TBC1D8: variants seen among roughly 807,000 people sequenced by gnomAD.
TBC1D8 encodes the protein BUB2-like protein 1.
Under a neutral mutation model 118.8 loss-of-function variants are expected in TBC1D8, and 65 were observed. That is an observed-to-expected ratio of 0.55 (90% CI 0.45 to 0.67). TBC1D8 has a LOEUF of 0.67. TBC1D8 is among the 30% of genes least tolerant of loss of function. The pLI, the probability that TBC1D8 is intolerant of heterozygous loss-of-function variation, is 0.00. For synonymous variants in TBC1D8, 566 were observed against 595.8 expected (o/e 0.95, Z 0.73); for missense variants, 1,376 against 1,471.2 (o/e 0.94, Z 1.06).
intron 1 of TBC1D8, among the ~76,000 whole-genome samples, chr2:101,105,601 A>AAAC (rs1448288346): frequency 4.4e-5 from 6 of 137,130 alleles, no homozygotes; most frequent in Non-Finnish European, 7.9e-5. Context: ...TTAAAAAAAA[A>AAAC]AAAAAAACAT....
chr2:101,050,339 G>A, intron 5 of TBC1D8, 62 bp downstream of exon 5: 1 of 1,560,998 alleles, frequency 6.4e-7, no homozygotes, highest in Middle Eastern at 2.4e-4. Flanking sequence ...GTACATAAGG[G>A]ATGGGCACAG....
At chr2:101,069,115 T>C in intron 2 of TBC1D8, among the ~76,000 whole-genome samples, 1 of 149,830 alleles carries the variant, frequency 6.7e-6, no homozygotes. Context: ...CTGGCCAATA[T>C]GGTGAAACCC....
intron 1 of TBC1D8, among the ~76,000 whole-genome samples, chr2:101,115,425 T>C (rs1677779165): frequency 6.6e-6 from 1 of 152,268 alleles, no homozygotes; most frequent in Non-Finnish European, 1.5e-5. Flanking sequence ...GATTGTTCAA[T>C]GCCTTCCATT....
At chr2:101,054,080 T>C (rs1682231879) in intron 4 of TBC1D8, 28 bp downstream of exon 4, 1 of 1,585,956 alleles carries the variant, frequency 6.3e-7, no homozygotes. Context: ...CAACTTTATC[T>C]TGGAAGAGCC....
chr2:101,011,727 T>G (rs1679229775), intron 17 of TBC1D8, among the ~76,000 whole-genome samples, 187 bp from the exon 18 acceptor site: 1 of 152,054 alleles, frequency 6.6e-6, no homozygotes. Flanking sequence ...AAATAAAATG[T>G]CCCCCACACC....
At chr2:101,120,268 T>C (rs1421263392) in intron 1 of TBC1D8, among the ~76,000 whole-genome samples, 7 of 152,228 alleles carry the variant, frequency 4.6e-5, no homozygotes, top group South Asian at 2.1e-4. Context: ...CCATCTCTCA[T>C]GTGCCCGGCC....
At chr2:101,134,421 C>T (rs1678751879) in intron 1 of TBC1D8, among the ~76,000 whole-genome samples, 1 of 152,174 alleles carries the variant, frequency 6.6e-6, no homozygotes, top group African/African-American at 2.4e-5. Flanking sequence ...ATGATTCTAA[C>T]TTGTCTTAGC....
chr2:101,101,448 G>C (rs1467549362), intron 1 of TBC1D8, among the ~76,000 whole-genome samples: 2 of 152,144 alleles, frequency 1.3e-5, no homozygotes, highest in Non-Finnish European at 1.5e-5. Flanking sequence ...CACTGTTGGT[G>C]GGAATGTAAA....
intron 12 of TBC1D8, among the ~76,000 whole-genome samples, chr2:101,029,026 G>A (rs759785241): frequency 3.9e-5 from 6 of 152,218 alleles, no homozygotes; most frequent in Non-Finnish European, 7.3e-5. Flanking sequence ...TTCACCCCAT[G>A]CCTGGGACAG....
chr2:101,045,542 C>G (rs1162074632), intron 5 of TBC1D8, among the ~76,000 whole-genome samples: 1 of 152,258 alleles, frequency 6.6e-6, no homozygotes, highest in Admixed American at 6.5e-5. Context: ...CTCTCCCATG[C>G]TCAGCATGCA....
intron 1 of TBC1D8, among the ~76,000 whole-genome samples, chr2:101,093,787 G>A (rs1676207966): frequency 6.7e-6 from 1 of 149,582 alleles, no homozygotes; most frequent in African/African-American, 2.4e-5. Flanking sequence ...TTGGCTCACT[G>A]CAACCTCCGC....
At chr2:101,030,729 A>G (rs61428647) in intron 11 of TBC1D8, among the ~76,000 whole-genome samples, 8,111 of 152,274 alleles carry the variant, frequency 0.053, 728 homozygotes, top group African/African-American at 0.19. Flanking sequence ...ATCATATTCC[A>G]AGACTGGAAA....
intron 1 of TBC1D8, among the ~76,000 whole-genome samples, chr2:101,117,406 C>T (rs1224425654): frequency 6.6e-6 from 1 of 152,064 alleles, no homozygotes; most frequent in Non-Finnish European, 1.5e-5. Context: ...TTTCTGGACC[C>T]AAAGTGGATT....
chr2:101,140,440 G>A (rs1679052304), intron 1 of TBC1D8, among the ~76,000 whole-genome samples: 1 of 152,104 alleles, frequency 6.6e-6, no homozygotes, highest in South Asian at 2.1e-4. Context: ...CTGACACACA[G>A]GCGTCCGGGG....
rs761672216 is a variant in TBC1D8 at position 101,029,605 on chromosome 2, A to C, written c.2108T>G (p.Phe703Cys). Residue 703 changes from phenylalanine (F) to cysteine (C), a missense_variant, in exon 12 of 20, where the codon TTC becomes TGC. Transcript: ENST00000409318. ...GATGGCTTTGATGCCATCATAGAAG[A>C]AGCAGTCTACCACATTCACCGCACT... Reference protein sequence around the residue: ...LESAVNVVDCFFYDGIKAIFQ... With the variant: ...LESAVNVVDCCFYDGIKAIFQ... 16 of 1,613,814 alleles carry C rather than the reference A, an allele frequency of 9.9e-6. No individual in the cohort carries two copies. Among genetic ancestry groups the C allele is most frequent in the African/African-American group, 1.3e-5 (1 of 74,906 alleles).
At chr2:101,118,009 A>C (rs1677909225) in intron 1 of TBC1D8, among the ~76,000 whole-genome samples, 1 of 151,466 alleles carries the variant, frequency 6.6e-6, no homozygotes, top group Admixed American at 6.6e-5. Context: ...CCTCCTTGAC[A>C]TGAACACAAT....
intron 17 of TBC1D8, among the ~76,000 whole-genome samples, chr2:101,017,100 G>A (rs929955445): frequency 1.3e-4 from 20 of 149,456 alleles, no homozygotes; most frequent in Non-Finnish European, 3.0e-5. Flanking sequence ...AGACAAACAC[G>A]CACATTAGCC....
At chr2:101,034,313 T>G (rs1000050592) in intron 9 of TBC1D8, among the ~76,000 whole-genome samples, 2 of 152,230 alleles carry the variant, frequency 1.3e-5, no homozygotes, top group African/African-American at 4.8e-5. Context: ...GTAGCAGCAG[T>G]GTGCAAGCAT....
At chr2:101,047,648 A>G (rs1490587010) in intron 5 of TBC1D8, among the ~76,000 whole-genome samples, 1 of 152,232 alleles carries the variant, frequency 6.6e-6, no homozygotes, top group East Asian at 1.9e-4. Flanking sequence ...ACCTGCAGTC[A>G]ACAGCTTGGC....
Sources: gnomAD v4.1 joint callset for allele counts (sites outside exome capture counted in the v4.1 genomes callset) on GRCh38, gnomAD v4.1.1 for gene constraint, MANE v1.5 for transcripts, NCBI Gene and HGNC (gene_info 2026-07-23, HGNC 2026-07-21) for gene names.